LMBR1: variants seen among roughly 807,000 people sequenced by gnomAD.
LMBR1 encodes the protein limb region 1 protein homolog.
Under a neutral mutation model 73.9 loss-of-function variants are expected in LMBR1, and 52 were observed. The observed-to-expected ratio is 0.70, with a 90% confidence interval of 0.56 to 0.89. The LOEUF (loss-of-function observed/expected upper bound fraction) is 0.89. Ranked by LOEUF, LMBR1 falls within the 40% of genes least tolerant of loss-of-function variation. The pLI is 0.00. For missense variants in LMBR1, 539 were observed against 579.8 expected, an observed-to-expected ratio of 0.93 and a Z score of 0.72; for synonymous variants, 215 against 209.4, an observed-to-expected ratio of 1.03 and a Z score of -0.23.
At chr7:156,767,987 T>C (rs2133007639) in intron 5 of LMBR1, among the ~76,000 whole-genome samples, 1 of 152,352 alleles carries the variant, frequency 6.6e-6, no homozygotes, top group East Asian at 1.9e-4. Flanking sequence ...ACATTTCATA[T>C]TGAAGAAATT....
At chr7:156,805,636 G>A (rs1021385042) in intron 4 of LMBR1, among the ~76,000 whole-genome samples, 2 of 152,176 alleles carry the variant, frequency 1.3e-5, no homozygotes, top group Non-Finnish European at 2.9e-5. Flanking sequence ...ATTTGCATCC[G>A]AATTTTAGAT....
At chr7:156,853,851 T>G (rs191835651) in intron 1 of LMBR1, among the ~76,000 whole-genome samples, 8 of 152,076 alleles carry the variant, frequency 5.3e-5, no homozygotes, top group Admixed American at 5.2e-4. Flanking sequence ...AGATGGGGCT[T>G]CATCATGTTG....
chr7:156,800,019 T>C (rs186319892), intron 4 of LMBR1, among the ~76,000 whole-genome samples: 2 of 152,126 alleles, frequency 1.3e-5, no homozygotes, highest in African/African-American at 4.8e-5. Flanking sequence ...CAGAGGTTGG[T>C]TCATGAGGTT....
chr7:156,707,648 G>C (rs1409337072), intron 15 of LMBR1, among the ~76,000 whole-genome samples: 1 of 152,154 alleles, frequency 6.6e-6, no homozygotes, highest in Non-Finnish European at 1.5e-5. Context: ...TGCAGAAAAA[G>C]CATGTGATAA....
At chr7:156,675,258 C>T (rs993631780), downstream of LMBR1, among the ~76,000 whole-genome samples, 6 of 152,188 alleles carry the variant, frequency 3.9e-5, no homozygotes, top group African/African-American at 9.6e-5. Flanking sequence ...TGAGGGTGGT[C>T]GGTGGGAACC....
chr7:156,709,559 A>G (rs1811651368), intron 15 of LMBR1, among the ~76,000 whole-genome samples: 1 of 152,174 alleles, frequency 6.6e-6, no homozygotes, highest in Non-Finnish European at 1.5e-5. Flanking sequence ...CCCCCGCACC[A>G]TCCCAGAGCC....
intron 4 of LMBR1, among the ~76,000 whole-genome samples, chr7:156,797,317 T>C (rs555790871): frequency 6.6e-6 from 1 of 152,204 alleles, no homozygotes; most frequent in Non-Finnish European, 1.5e-5. Flanking sequence ...TCATATTTTT[T>C]ACAGGTAAAA....
chr7:156,755,698 C>T (rs920937501), intron 9 of LMBR1, among the ~76,000 whole-genome samples: 2 of 152,122 alleles, frequency 1.3e-5, no homozygotes, highest in Non-Finnish European at 2.9e-5. Flanking sequence ...TATGTAGTTC[C>T]AGTCTAAAAG....
intron 1 of LMBR1, among the ~76,000 whole-genome samples, chr7:156,883,079 T>C (rs1271644447): frequency 6.7e-6 from 1 of 148,174 alleles, no homozygotes; most frequent in Non-Finnish European, 1.5e-5. Flanking sequence ...ACATTAGGTA[T>C]TCTTACTGCA....
downstream of LMBR1, chr7:156,676,113 C>T (rs1398274012): frequency 3.2e-5 from 27 of 835,798 alleles, no homozygotes; most frequent in Non-Finnish European, 1.8e-6. Flanking sequence ...TAGGACTTTC[C>T]TCATGGGCTT....
rs1174818586 is a variant in LMBR1, at chr7:156,669,249, T to C, written n.905A>G. The C allele has an allele frequency of 6.6e-6, 1 of 151,998 alleles. No individual in the cohort carries two copies. Among genetic ancestry groups the C allele is most frequent in the Non-Finnish European group, 1.5e-5 (1 of 68,008 alleles). 9.4% of individuals were successfully genotyped at this position (151,998 alleles called of 1,614,324 possible). On this transcript the variant is annotated non_coding_transcript_exon_variant, in exon 5 of 5. Transcript: ENST00000430825. This position sits in a 1 kb window ranked among gnomAD's most constrained non-coding sequence, Gnocchi z 4.2. The stretch of plus-strand genomic sequence containing the variant: ...TAGGTGCATGTGGAGGCCGCTCGGG[T>C]GGTTCGCGCCTGCTGCAGGGCACGC...
chr7:156,879,614 A>G (rs1800745939), intron 1 of LMBR1, among the ~76,000 whole-genome samples: 1 of 150,388 alleles, frequency 6.6e-6, no homozygotes, highest in Non-Finnish European at 1.5e-5. Flanking sequence ...CAGTGAGCCA[A>G]GATCGCACCA....
chr7:156,695,764 T>A (rs982538188), intron 15 of LMBR1, among the ~76,000 whole-genome samples: 1 of 151,682 alleles, frequency 6.6e-6, no homozygotes, highest in Non-Finnish European at 1.5e-5. Flanking sequence ...AACAATTTTT[T>A]AAAAACCTAA....
At chr7:156,838,342 T>G (rs1838034396) in intron 1 of LMBR1, among the ~76,000 whole-genome samples, 1 of 152,148 alleles carries the variant, frequency 6.6e-6, no homozygotes, top group Non-Finnish European at 1.5e-5. Flanking sequence ...TAACTGAAAT[T>G]TTGTACCCTT....
At chr7:156,757,566 T>C (rs1822134144) in intron 8 of LMBR1, among the ~76,000 whole-genome samples, 2 of 152,228 alleles carry the variant, frequency 1.3e-5, no homozygotes, top group South Asian at 2.1e-4. Flanking sequence ...AGGATCCTTA[T>C]TATCTTCGTA....
intron 15 of LMBR1, among the ~76,000 whole-genome samples, chr7:156,720,967 C>A (rs1481012465): frequency 6.6e-6 from 1 of 151,878 alleles, no homozygotes; most frequent in Non-Finnish European, 1.5e-5. Flanking sequence ...CCAAAAAAGA[C>A]CCGTTATAAA....
At chr7:156,798,020 A>G (rs1038221575) in intron 4 of LMBR1, among the ~76,000 whole-genome samples, 1 of 152,214 alleles carries the variant, frequency 6.6e-6, no homozygotes, top group Non-Finnish European at 1.5e-5. Context: ...CAAAAAGAGT[A>G]TAATTAGAGT....
chr7:156,673,922 AG>A (rs1176626756), downstream of LMBR1, among the ~76,000 whole-genome samples: 5,778 of 150,410 alleles, frequency 0.038, 133 homozygotes, highest in East Asian at 0.12. Flanking sequence ...AAAAAAAAAA[AG>A]AAAAAGTGAA....
intron 5 of LMBR1, among the ~76,000 whole-genome samples, chr7:156,773,087 A>T (rs775834311): frequency 2.7e-4 from 41 of 152,148 alleles, no homozygotes; most frequent in Non-Finnish European, 4.9e-4. Flanking sequence ...ATGGCCACAA[A>T]AAAATGAAAC....
Sources: gnomAD v4.1 joint callset for allele counts (sites outside exome capture counted in the v4.1 genomes callset) on GRCh38, gnomAD v4.1.1 for gene constraint, Gnocchi (gnomAD v3.1) non-coding constraint, MANE v1.5 for transcripts, NCBI Gene and HGNC (gene_info 2026-07-23, HGNC 2026-07-21) for gene names.